Variants in PNKD observed in about 807,000 individuals in gnomAD.
The protein encoded by PNKD is probable thioesterase PNKD.
Under a neutral mutation model 45.3 loss-of-function variants are expected in PNKD, and 36 were observed. The ratio of observed to expected loss-of-function variants is 0.80; its 90% CI spans 0.61 to 1.05. PNKD has a LOEUF of 1.05. PNKD is among the 50% of genes least tolerant of loss of function. The pLI, the probability that PNKD is intolerant of heterozygous loss-of-function variation, is 0.00. For synonymous variants in PNKD, 197 were observed against 210.1 expected, an observed-to-expected ratio of 0.94 and a Z score of 0.54; for missense variants, 511 against 506.6, an observed-to-expected ratio of 1.01 and a Z score of -0.08.
rs1694695408 is a variant in PNKD at position 218,342,083 on chromosome 2, G to A, written c.720G>A (p.Gly240=). The A allele has an allele frequency of 6.2e-7, 1 of 1,613,194 alleles. No individual in the cohort carries two copies. The highest frequency in any genetic ancestry group is 8.5e-7 in the Non-Finnish European group (1 of 1,179,304). Residue 240 remains glycine, a synonymous_variant, in exon 7 of 10, where the codon GGG becomes GGA. Coordinates refer to ENST00000273077, the MANE Select transcript of PNKD (RefSeq NM_015488.5). The stretch of plus-strand genomic sequence containing the variant: ...GCCATCTGGTCTACCTACTGGATGG[G>A]GAGCCCTACAAGGGTCCCTCCTGCC... ...TQGHLVYLLD[G]EPYKGPSCLF... is the part of the protein sequence containing the mutation.
intron 2 of PNKD, among the ~76,000 whole-genome samples, chr2:218,299,096 C>T (rs1172359983): frequency 3.9e-5 from 6 of 152,088 alleles, no homozygotes; most frequent in Non-Finnish European, 1.5e-5. Flanking sequence ...CATCTTACCA[C>T]CTGTTCCTTT....
At chr2:218,329,109 C>T (rs937650490) in intron 2 of PNKD, among the ~76,000 whole-genome samples, 1 of 152,118 alleles carries the variant, frequency 6.6e-6, no homozygotes. Context: ...CTCAGGAGGC[C>T]GAGGCAGGAG....
chr2:218,341,863 C>A (rs1694686878), intron 6 of PNKD, 118 bp from the exon 7 acceptor site: 2 of 900,896 alleles, frequency 2.2e-6, no homozygotes, highest in South Asian at 2.8e-5. Context: ...GGGGTGACTT[C>A]TTTTGTATGG....
At chr2:218,274,360 G>C (rs1029322783) in intron 2 of PNKD, 6 of 154,748 alleles carry the variant, frequency 3.9e-5, no homozygotes, top group African/African-American at 1.4e-4. Flanking sequence ...CCCCATTCCA[G>C]CTCAAGGCAC....
intron 2 of PNKD, among the ~76,000 whole-genome samples, chr2:218,337,133 G>A (rs1399143125): frequency 1.3e-5 from 2 of 148,548 alleles, no homozygotes; most frequent in African/African-American, 5.0e-5. Context: ...TTGAGATGGA[G>A]TCTCACTCTG....
intron 2 of PNKD, among the ~76,000 whole-genome samples, chr2:218,291,870 A>G (rs992510990): frequency 1.3e-5 from 2 of 152,232 alleles, no homozygotes; most frequent in African/African-American, 4.8e-5. Context: ...TCATGGTGAT[A>G]GAGGTGGCCA....
chr2:218,278,405 T>G (rs555778801), intron 2 of PNKD: 11 of 1,148,520 alleles, frequency 9.6e-6, no homozygotes, highest in African/African-American at 9.1e-5. Context: ...CCTCCTCATT[T>G]CTTGTAAGTT....
chr2:218,322,110 C>T (rs1694002699), intron 2 of PNKD, among the ~76,000 whole-genome samples: 1 of 151,630 alleles, frequency 6.6e-6, no homozygotes, highest in South Asian at 2.1e-4. Context: ...TTAGTAAAGA[C>T]GTGGTTTCTC....
intron 2 of PNKD, among the ~76,000 whole-genome samples, chr2:218,304,165 G>T (rs911293061): frequency 6.6e-6 from 1 of 151,620 alleles, no homozygotes; most frequent in Admixed American, 6.6e-5. Context: ...TTTGTTTTTT[G>T]TTTTTGAGAC....
rs2106299932 is a variant in PNKD, at chr2:218,345,868, GC to G, written c.*890del. The G allele has an allele frequency of 6.6e-6, 1 of 152,518 alleles. No homozygotes were observed. The highest frequency in any genetic ancestry group is 2.4e-5 in the African/African-American group (1 of 41,574). 9.4% of individuals were successfully genotyped at this position (152,518 alleles called of 1,614,324 possible). ...TTCTCATTTTGGCCCTTGTTCTTAG[GC>G]CCGTCTGCCCGCCTTCCTCCATCTA... On this transcript the variant is annotated 3_prime_UTR_variant, in exon 10 of 10. Transcript: ENST00000273077.
Position 218,326,015 on chromosome 2 carries a change from G to T in PNKD, c.237-13768G>T. On this transcript the variant is annotated intron_variant, in intron 2 of 9. Coordinates refer to ENST00000273077, the MANE Select transcript of PNKD (RefSeq NM_015488.5). This position sits in a 1 kb window ranked among gnomAD's most constrained non-coding sequence, Gnocchi z 4.1. ...AGATATTTGCAGGAAACTGTAGGGGGGAAATGGGCAGGTGTTGGTGCTAGG... is the reference window on the plus strand; with the variant it reads ...AGATATTTGCAGGAAACTGTAGGGGTGAAATGGGCAGGTGTTGGTGCTAGG... Among the ~76,000 whole-genome samples, 1 of 151,978 alleles carries T rather than the reference G, an allele frequency of 6.6e-6. No individual in the cohort carries two copies.
chr2:218,312,727 G>T (rs1048799768), intron 2 of PNKD, among the ~76,000 whole-genome samples: 1 of 152,024 alleles, frequency 6.6e-6, no homozygotes, highest in Non-Finnish European at 1.5e-5. Context: ...ACAAAAATTA[G>T]TTGGGTGTGG....
In PNKD at chr2:218,339,916, C is replaced by T. The variant is rs1432544124; in HGVS notation, c.352+18C>T. The T allele has an allele frequency of 5.1e-6, 8 of 1,557,368 alleles. No individual in the cohort carries two copies. Among genetic ancestry groups the T allele is most frequent in the Admixed American group, 1.7e-5 (1 of 58,352 alleles). The stretch of plus-strand genomic sequence containing the variant: ...CTTCAATGGTGAGCTCTGACTGCCC[C>T]GGCCAGCATCCCCCATTCTGTGCCC... On this transcript the variant is annotated intron_variant, in intron 3 of 9. Transcript: ENST00000273077.
At chr2:218,270,898 T>G (rs1690803938) in intron 1 of PNKD, 3 of 373,514 alleles carry the variant, frequency 8.0e-6, no homozygotes, top group Non-Finnish European at 1.4e-5. Flanking sequence ...AGCCCCGGGC[T>G]TCTGGAGGTT....
chr2:218,288,685 C>G (rs1366968986), intron 2 of PNKD, among the ~76,000 whole-genome samples: 3 of 152,076 alleles, frequency 2.0e-5, no homozygotes, highest in Non-Finnish European at 1.5e-5. Context: ...GCCCCAAATC[C>G]GAAAAAATCC....
intron 2 of PNKD, chr2:218,289,872 A>T (rs1013943729): frequency 6.6e-6 from 1 of 152,162 alleles, no homozygotes; most frequent in Non-Finnish European, 1.5e-5. Flanking sequence ...TCTGGACCCT[A>T]CGGCCAGCTC....
intron 2 of PNKD, chr2:218,334,638 G>A (rs1209933589): frequency 1.4e-6 from 1 of 699,088 alleles, no homozygotes; most frequent in Non-Finnish European, 2.6e-6. Flanking sequence ...CTGGGTGACA[G>A]AGCAAGACCC....
intron 2 of PNKD, among the ~76,000 whole-genome samples, chr2:218,339,162 A>T (rs952367717): frequency 1.3e-5 from 2 of 151,974 alleles, no homozygotes; most frequent in African/African-American, 4.8e-5. Context: ...TATTTTTTCT[A>T]CCTCATTTCA....
At chr2:218,302,887 C>T (rs1227473807) in intron 2 of PNKD, among the ~76,000 whole-genome samples, 2 of 151,960 alleles carry the variant, frequency 1.3e-5, no homozygotes, top group Non-Finnish European at 2.9e-5. Context: ...TTCTGATTGG[C>T]AATTGATTAA....
Sources: gnomAD v4.1 joint callset for allele counts (sites outside exome capture counted in the v4.1 genomes callset) on GRCh38, gnomAD v4.1.1 for gene constraint, Gnocchi (gnomAD v3.1) non-coding constraint, MANE v1.5 for transcripts, NCBI Gene and HGNC (gene_info 2026-07-23, HGNC 2026-07-21) for gene names.